Variants in ARHGEF33 observed in about 807,000 individuals in gnomAD.
ARHGEF33 encodes the protein DH and coiled-coil domain-containing protein ENSP00000381780.
Under a neutral mutation model 101.9 loss-of-function variants are expected in ARHGEF33, and 72 were observed. The observed-to-expected ratio is 0.71, with a 90% CI of 0.58 to 0.86. The LOEUF (loss-of-function observed/expected upper bound fraction) is 0.86. Among genes scored for constraint, ARHGEF33 ranks in the 40% least tolerant of loss-of-function variants. ARHGEF33 has a pLI of 0.00. For missense variants in ARHGEF33, 1,169 were observed against 1,111.3 expected (o/e 1.05, Z -0.74); for synonymous variants, 499 against 442.5 (o/e 1.13, Z -1.60).
rs1261000281 is a variant in ARHGEF33, at chr2:38,961,439, T to G, written c.2343+791T>G. 3.3e-5 allele frequency among the ~76,000 whole-genome samples: 5 copies of G among 152,214 alleles called. No homozygotes were observed. In the East Asian group the frequency reaches 9.7e-4, roughly 29 times the overall value. ...CAAGCCTGGAGGGCATTTAAAGAGGTCTTTAAATACTTATCCATGAAGTGC... is the reference window on the plus strand; with the variant it reads ...CAAGCCTGGAGGGCATTTAAAGAGGGCTTTAAATACTTATCCATGAAGTGC... On this transcript the variant is annotated intron_variant, in intron 16 of 17. Transcript: ENST00000409978.
Position 38,931,159 on chromosome 2 carries a change from A to G in ARHGEF33, c.413A>G (p.Gln138Arg). The G allele has an allele frequency of 1.3e-6, 2 of 1,551,640 alleles. No individual in the cohort carries two copies. Among genetic ancestry groups the G allele is most frequent in the South Asian group, 2.4e-5 (2 of 84,062 alleles). ...TCACAGGCCGGGCCTGCCCAAGCAC[A>G]AGGAAGTCCTTTTCGTTCTATCAAT... ...HSSQAGPAQA[Q>R]GSPFRSINIP... The change falls in exon 7 of 18, where the codon CAA becomes CGA. Residue 138 changes from glutamine (Q) to arginine (R), a missense_variant. Coordinates refer to ENST00000409978, the MANE Select transcript of ARHGEF33 (RefSeq NM_001145451.5).
chr2:38,926,144 T>C (rs536869040), intron 4 of ARHGEF33, among the ~76,000 whole-genome samples: 4 of 152,318 alleles, frequency 2.6e-5, no homozygotes, highest in East Asian at 1.9e-4. Flanking sequence ...AAGTCTTCCC[T>C]GAACCTACCT....
At chr2:38,949,884 C>A (rs182914134) in intron 10 of ARHGEF33, among the ~76,000 whole-genome samples, 1 of 152,276 alleles carries the variant, frequency 6.6e-6, no homozygotes, top group East Asian at 1.9e-4. Flanking sequence ...GACAGAGAGA[C>A]GGGAGGCGCT....
chr2:38,950,526 A>G (rs1226703663), intron 10 of ARHGEF33, among the ~76,000 whole-genome samples: 2 of 152,184 alleles, frequency 1.3e-5, no homozygotes, highest in African/African-American at 2.4e-5. Context: ...ATCTGAGCTC[A>G]CTGCAACCTG....
chr2:38,935,594 T>C (rs1276723118), intron 7 of ARHGEF33, among the ~76,000 whole-genome samples, 181 bp from the exon 8 acceptor site: 3 of 152,222 alleles, frequency 2.0e-5, no homozygotes, highest in East Asian at 3.8e-4. Flanking sequence ...ACCACTATTA[T>C]ATCTTTTTAC....
chr2:38,972,437 T>C (rs550665574), intron 17 of ARHGEF33, among the ~76,000 whole-genome samples: 1 of 151,924 alleles, frequency 6.6e-6, no homozygotes, highest in Admixed American at 6.6e-5. Context: ...AGAGATAGAG[T>C]AGTTTTTCCT....
chr2:38,921,780 C>T (rs770946600), intron 4 of ARHGEF33, among the ~76,000 whole-genome samples: 7 of 152,186 alleles, frequency 4.6e-5, no homozygotes, highest in Admixed American at 2.6e-4. Flanking sequence ...AGCACTACCA[C>T]GCCCACCTCA....
chr2:38,933,670 C>A (rs1025057595), intron 7 of ARHGEF33, among the ~76,000 whole-genome samples: 1 of 152,186 alleles, frequency 6.6e-6, no homozygotes, highest in African/African-American at 2.4e-5. Context: ...GCACCACGAC[C>A]GACCCATAGT....
At chr2:38,957,936 T>TTATC (rs1454566956) in intron 14 of ARHGEF33, 98 bp from the exon 15 acceptor site, 7 of 1,419,384 alleles carry the variant, frequency 4.9e-6, no homozygotes, top group Non-Finnish European at 4.8e-6. Context: ...ACAGCAAACT[T>TTATC]TATCTGAGAC....
chr2:38,942,005 ATTT>A (rs70954774), intron 9 of ARHGEF33, among the ~76,000 whole-genome samples: 125,919 of 148,014 alleles, frequency 0.85, 53,743 homozygotes, highest in Non-Finnish European at 0.89. Context: ...ATGTCTTGGG[ATTT>A]TTTTTTTTTT....
At chr2:38,922,182 T>C (rs1666773415) in intron 4 of ARHGEF33, among the ~76,000 whole-genome samples, 3 of 152,160 alleles carry the variant, frequency 2.0e-5, no homozygotes, top group Non-Finnish European at 2.9e-5. Context: ...TAAAAGCAGC[T>C]TGGGCTAGGG....
At chr2:38,949,861 G>T (rs528740130) in intron 10 of ARHGEF33, among the ~76,000 whole-genome samples, 2 of 152,280 alleles carry the variant, frequency 1.3e-5, no homozygotes, top group South Asian at 2.1e-4. Flanking sequence ...GTCACAGGGC[G>T]CAGCAGGAGC....
At chr2:38,972,554 G>A (rs1668189022) in intron 17 of ARHGEF33, among the ~76,000 whole-genome samples, 1 of 152,200 alleles carries the variant, frequency 6.6e-6, no homozygotes, top group South Asian at 2.1e-4. Flanking sequence ...AGGGCAAAGT[G>A]AAAATACCTA....
chr2:38,916,414 G>A (rs1432379539), intron 2 of ARHGEF33, among the ~76,000 whole-genome samples: 1 of 152,156 alleles, frequency 6.6e-6, no homozygotes, highest in African/African-American at 2.4e-5. Context: ...CTCTTTGGCT[G>A]TAACATTCTG....
intron 11 of ARHGEF33, among the ~76,000 whole-genome samples, 183 bp downstream of exon 11, chr2:38,951,304 T>C (rs1045723896): frequency 6.6e-6 from 1 of 152,244 alleles, no homozygotes. Flanking sequence ...AAAGCCTTGC[T>C]GAAATCACCC....
intron 2 of ARHGEF33, among the ~76,000 whole-genome samples, chr2:38,902,901 ATG>A (rs1445321912): frequency 6.6e-6 from 1 of 152,174 alleles, no homozygotes; most frequent in African/African-American, 2.4e-5. Flanking sequence ...CCTCTCTTAT[ATG>A]TATGGGTCAA....
At chr2:38,935,176 A>C (rs952696816) in intron 7 of ARHGEF33, among the ~76,000 whole-genome samples, 6 of 151,988 alleles carry the variant, frequency 3.9e-5, no homozygotes, top group African/African-American at 1.5e-4. Context: ...GAGAAGTGAT[A>C]GGGTCTGGTT....
intron 9 of ARHGEF33, among the ~76,000 whole-genome samples, chr2:38,942,693 A>G (rs1485265426): frequency 1.3e-5 from 2 of 151,952 alleles, no homozygotes; most frequent in Non-Finnish European, 2.9e-5. Flanking sequence ...TGTATCCTGC[A>G]TTGTCTCTGT....
intron 16 of ARHGEF33, among the ~76,000 whole-genome samples, chr2:38,964,748 A>G (rs1198468830): frequency 6.6e-6 from 1 of 152,062 alleles, no homozygotes; most frequent in Non-Finnish European, 1.5e-5. Flanking sequence ...CCAGTTCCTA[A>G]CAGGTCACAG....
Sources: gnomAD v4.1 joint callset for allele counts (sites outside exome capture counted in the v4.1 genomes callset) on GRCh38, gnomAD v4.1.1 for gene constraint, MANE v1.5 for transcripts, NCBI Gene and HGNC (gene_info 2026-07-23, HGNC 2026-07-21) for gene names.